RNF150: variants seen among roughly 807,000 people sequenced by gnomAD.
RNF150 encodes ring finger protein 150.
RNF150 carries 24 observed loss-of-function variants against 39.3 expected under a neutral mutation model. The ratio of observed to expected loss-of-function variants is 0.61; its 90% CI spans 0.44 to 0.86. The LOEUF is 0.86. RNF150 is among the 40% of genes least tolerant of loss of function. The pLI, the probability that RNF150 is intolerant of heterozygous loss-of-function variation, is 0.00. For missense variants in RNF150, 502 were observed against 587.8 expected (o/e 0.85, Z 1.51); for synonymous variants, 255 against 227.3 (o/e 1.12, Z -1.10).
At chr4:140,911,984 T>C (rs1730625640) in intron 5 of RNF150, among the ~76,000 whole-genome samples, 1 of 152,206 alleles carries the variant, frequency 6.6e-6, no homozygotes, top group African/African-American at 2.4e-5. Flanking sequence ...TCCTCTAAAT[T>C]AAATTCTTAG....
At chr4:141,150,914 C>A (rs940138268) in intron 1 of RNF150, among the ~76,000 whole-genome samples, 4 of 151,892 alleles carry the variant, frequency 2.6e-5, no homozygotes, top group Non-Finnish European at 4.4e-5. Flanking sequence ...ATTTGATTGG[C>A]AAATAAGTTT....
At chr4:141,130,520 A>C (rs918198375) in intron 1 of RNF150, among the ~76,000 whole-genome samples, 26 of 152,196 alleles carry the variant, frequency 1.7e-4, no homozygotes, top group African/African-American at 6.3e-4. Context: ...GTTTTCTTTA[A>C]AAATAAGCAA....
At chr4:140,957,456 C>G (rs1201564234) in intron 2 of RNF150, among the ~76,000 whole-genome samples, 1 of 152,166 alleles carries the variant, frequency 6.6e-6, no homozygotes, top group Non-Finnish European at 1.5e-5. Context: ...GTTGGTGGGA[C>G]TGTAAACTGG....
intron 1 of RNF150, among the ~76,000 whole-genome samples, chr4:140,993,616 T>G (rs1345563002): frequency 6.6e-6 from 1 of 152,214 alleles, no homozygotes; most frequent in Non-Finnish European, 1.5e-5. Flanking sequence ...GCTGTTTATA[T>G]GGCCTTGTTT....
At position 141,140,717 on chromosome 4, in the gene RNF150, A is replaced by G. The variant is rs17006913; in HGVS notation, c.-6+72077T>C. Among the ~76,000 whole-genome samples, 3 of 152,322 alleles carry G rather than the reference A, an allele frequency of 2.0e-5. No individual in the cohort carries two copies. The South Asian group carries it at 6.2e-4, about 32-fold the overall frequency. Reference sequence around the variant, plus strand: ...ACTGAGCCGGACAGCTGTTAGACACAAGCATCTGTAAATTGTACTGTGTTA... The same window carrying G: ...ACTGAGCCGGACAGCTGTTAGACACGAGCATCTGTAAATTGTACTGTGTTA... On this transcript the variant is annotated intron_variant, in intron 1 of 7. Coordinates refer to the RNF150 transcript ENST00000420921.
At chr4:141,049,030 T>C (rs892879495) in intron 1 of RNF150, among the ~76,000 whole-genome samples, 1 of 152,196 alleles carries the variant, frequency 6.6e-6, no homozygotes, top group Non-Finnish European at 1.5e-5. Flanking sequence ...TGGGTATGCC[T>C]ATTCTGAGCA....
chr4:141,128,434 A>G (rs1726806755), intron 1 of RNF150, among the ~76,000 whole-genome samples: 2 of 152,182 alleles, frequency 1.3e-5, no homozygotes, highest in African/African-American at 4.8e-5. Flanking sequence ...CTACACTCCT[A>G]TTTAATTAGT....
chr4:141,157,157 G>A (rs899285611), intron 1 of RNF150, among the ~76,000 whole-genome samples: 3 of 152,072 alleles, frequency 2.0e-5, no homozygotes, highest in African/African-American at 7.2e-5. Flanking sequence ...GTTTTCATCA[G>A]TGTTTCCTCT....
At chr4:140,959,266 AC>A (rs1251166282) in intron 2 of RNF150, among the ~76,000 whole-genome samples, 1 of 151,844 alleles carries the variant, frequency 6.6e-6, no homozygotes, top group Non-Finnish European at 1.5e-5. Context: ...CCCAACCTTG[AC>A]CCCCATCTAG....
intron 1 of RNF150, among the ~76,000 whole-genome samples, chr4:140,988,842 T>A (rs1734099942): frequency 6.6e-6 from 1 of 152,190 alleles, no homozygotes; most frequent in Non-Finnish European, 1.5e-5. Context: ...GATGAGTTCA[T>A]GTCCTTTGTA....
chr4:140,980,830 G>A (rs554438787), intron 1 of RNF150, among the ~76,000 whole-genome samples: 68 of 152,088 alleles, frequency 4.5e-4, no homozygotes, highest in Non-Finnish European at 3.2e-4. Flanking sequence ...CAGGCAGTTC[G>A]TTATAGAGCA....
intron 1 of RNF150, among the ~76,000 whole-genome samples, chr4:141,022,879 G>A (rs565084004): frequency 2.0e-5 from 3 of 152,254 alleles, no homozygotes; most frequent in African/African-American, 7.2e-5. Flanking sequence ...ATTGTCAAAA[G>A]CATTCAGCTA....
rs1735590280 is a variant in RNF150, at chr4:141,023,789, C to T, written c.485-55916G>A. On this transcript the variant is annotated intron_variant, in intron 1 of 6. Transcript: ENST00000515673. ...TCTGGACAAACTGAACAATAACAAA[C>T]TTCACGGTGCTTTCCTACCTTCTTT... Among the ~76,000 whole-genome samples the T allele has an allele frequency of 2.0e-5, 3 of 152,266 alleles. No individual in the cohort carries two copies. In the South Asian group the frequency reaches 6.2e-4, roughly 32 times the overall value.
At chr4:141,194,589 A>G (rs998132794) in intron 1 of RNF150, among the ~76,000 whole-genome samples, 5 of 142,890 alleles carry the variant, frequency 3.5e-5, no homozygotes, top group African/African-American at 1.5e-4. Context: ...CAGTGTTACA[A>G]CTGCAGGCTC....
intron 1 of RNF150, among the ~76,000 whole-genome samples, chr4:141,000,020 G>GAA (rs1331605221): frequency 0.012 from 372 of 30,610 alleles, 27 homozygotes; most frequent in Non-Finnish European, 0.019. Flanking sequence ...AGAAGAAGAA[G>GAA]AAGAAGAAGA....
chr4:140,891,000 A>G (rs1729735514), intron 6 of RNF150, among the ~76,000 whole-genome samples: 2 of 152,220 alleles, frequency 1.3e-5, no homozygotes, highest in Non-Finnish European at 2.9e-5. Flanking sequence ...ACCATTTTAA[A>G]TCACTGATCT....
At position 141,044,771 on chromosome 4, in the gene RNF150, G is replaced by GCGCA. The variant is rs1553940748; in HGVS notation, c.485-76899_485-76898insTGCG. Reference sequence around the variant, plus strand: ...GAGCTCATGCATGCGGGTGTGCAGCGCACACACACACGCACACACACACAC... The same window carrying GCGCA: ...GAGCTCATGCATGCGGGTGTGCAGCGCGCACACACACACACGCACACACACACAC... On this transcript the variant is annotated intron_variant, in intron 1 of 6. Transcript: ENST00000515673. 1.9e-3 allele frequency among the ~76,000 whole-genome samples: 277 copies of GCGCA among 146,644 alleles called. 1 individual carries two copies. Among genetic ancestry groups the GCGCA allele is most frequent in the East Asian group, 4.0e-3 (17 of 4,294 alleles).
At chr4:140,938,225 T>TC (rs112342989) in intron 4 of RNF150, among the ~76,000 whole-genome samples, 1 of 151,912 alleles carries the variant, frequency 6.6e-6, no homozygotes, top group South Asian at 2.1e-4. Flanking sequence ...GTGTCTTTTT[T>TC]CAGTGATTTC....
intron 1 of RNF150, among the ~76,000 whole-genome samples, chr4:141,158,236 A>G (rs1560763040): frequency 6.6e-6 from 1 of 152,230 alleles, no homozygotes. Flanking sequence ...GGTTACAGTG[A>G]GCAAAGATAG....
Sources: gnomAD v4.1 joint callset for allele counts (sites outside exome capture counted in the v4.1 genomes callset) on GRCh38, gnomAD v4.1.1 for gene constraint, MANE v1.5 for transcripts, NCBI Gene and HGNC (gene_info 2026-07-23, HGNC 2026-07-21) for gene names.